The following DDX43 variants were observed in gnomAD, a reference collection of about 807,000 sequenced individuals.
The protein encoded by DDX43 is DEAD-box helicase 43.
Under a neutral mutation model 84.9 loss-of-function variants are expected in DDX43, and 50 were observed. The ratio of observed to expected loss-of-function variants is 0.59; its 90% CI spans 0.47 to 0.75. DDX43 has a LOEUF of 0.75. DDX43 is among the 30% of genes least tolerant of loss of function. DDX43 has a pLI of 0.00. For missense variants in DDX43, 689 were observed against 798.6 expected, an observed-to-expected ratio of 0.86 and a Z score of 1.65; for synonymous variants, 291 against 266.3, an observed-to-expected ratio of 1.09 and a Z score of -0.90.
At position 73,412,656 on chromosome 6, in the gene DDX43, T is replaced by C. The variant is rs1254616580; in HGVS notation, c.1368+364T>C. Among the ~76,000 whole-genome samples the C allele has an allele frequency of 2.3e-3, 203 of 87,954 alleles. 4 individuals are homozygous for C. Among genetic ancestry groups the C allele is most frequent in the African/African-American group, 7.6e-3 (189 of 24,906 alleles). 57.7% of individuals were successfully genotyped at this position (87,954 alleles called of 152,430 possible). On this transcript the variant is annotated intron_variant, in intron 11 of 16. Coordinates refer to ENST00000370336, the MANE Select transcript of DDX43 (RefSeq NM_018665.3). Reference sequence around the variant, plus strand: ...TATATATAGTGTGTGTGTGTGTGTGTGTGTGTGTGTGTGCGCGCGCGCGTG... The same window carrying C: ...TATATATAGTGTGTGTGTGTGTGTGCGTGTGTGTGTGTGCGCGCGCGCGTG...
In DDX43 at chr6:73,405,729, G is replaced by A. The variant is rs147077461; in HGVS notation, c.701G>A (p.Arg234Gln). ...GATGACTTGAAGGATGGGGAGAAAC[G>A]ACCTATCCCCAATCCTACCTGCACA... The part of the protein sequence containing the change: ...TWDDLKDGEK[R>Q]PIPNPTCTFD... Residue 234 changes from arginine to glutamine, a missense_variant, in exon 6 of 17, where the codon CGA becomes CAA. Coordinates refer to ENST00000370336, the MANE Select transcript of DDX43 (RefSeq NM_018665.3). 7 of 1,613,838 alleles carry A rather than the reference G, an allele frequency of 4.3e-6. No homozygotes were observed. The highest frequency in any genetic ancestry group is 1.1e-5 in the South Asian group (1 of 91,062).
intron 11 of DDX43, among the ~76,000 whole-genome samples, chr6:73,412,512 G>A (rs1269151980): frequency 6.6e-6 from 1 of 152,126 alleles, no homozygotes; most frequent in Non-Finnish European, 1.5e-5. Context: ...GAGAGAGAGA[G>A]AGAGAGAGTG....
In DDX43 at chr6:73,404,681, T is replaced by C. The variant is rs566502785; in HGVS notation, c.569-9T>C. 3 of 1,604,338 alleles carry C rather than the reference T, an allele frequency of 1.9e-6. No individual in the cohort carries two copies. The South Asian group carries it at 3.4e-5, about 18-fold the overall frequency. ...TTTATCAAAGTGTGGATTTTCGCCTTTGTCCCAGATTTACCACCAATTAAG... is the reference window on the plus strand; with the variant it reads ...TTTATCAAAGTGTGGATTTTCGCCTCTGTCCCAGATTTACCACCAATTAAG... On this transcript the variant is annotated splice_polypyrimidine_tract_variant and intron_variant, in intron 4 of 16. Transcript: ENST00000370336.
chr6:73,397,723 T>G lies in DDX43; in HGVS notation c.285T>G (p.Ser95Arg). ...RGGSKIKNIQSTTNTTIQIIQ... is the reference protein window; with the variant it reads ...RGGSKIKNIQRTTNTTIQIIQ... ...GGTCAAAAATAAAGAATATACAAAG[T>G]ACAACAAACACCACAATCCAAGTAA... The change falls in exon 2 of 17, where the codon AGT becomes AGG. Residue 95 changes from serine to arginine, a missense_variant. Physicochemically the swap from Ser to Arg is moderately radical, Grantham distance 110. Transcript: ENST00000370336. The G allele has an allele frequency of 6.2e-7, 1 of 1,613,840 alleles. No individual in the cohort carries two copies. Among genetic ancestry groups the G allele is most frequent in the Non-Finnish European group, 8.5e-7 (1 of 1,179,754 alleles).
chr6:73,417,129 C>A (rs1466530933), intron 16 of DDX43, 58 bp from the exon 17 acceptor site: 4 of 152,156 alleles, frequency 2.6e-5, no homozygotes, highest in African/African-American at 7.2e-5. Context: ...TATTTAATCA[C>A]AAGCTTTTTA....
At chr6:73,417,017 C>G (rs185306903) in intron 16 of DDX43, among the ~76,000 whole-genome samples, 170 bp from the exon 17 acceptor site, 137 of 152,272 alleles carry the variant, frequency 9.0e-4, no homozygotes, top group Non-Finnish European at 1.5e-3. Context: ...CCAGCCTGGA[C>G]AACAGGACGC....
chr6:73,409,859 C>T (rs191774278), intron 10 of DDX43, among the ~76,000 whole-genome samples: 101 of 152,112 alleles, frequency 6.6e-4, no homozygotes, highest in African/African-American at 2.3e-3. Flanking sequence ...GGTGAAACCT[C>T]GTCTCTACTA....
chr6:73,410,030 CA>C (rs200732786), intron 10 of DDX43, among the ~76,000 whole-genome samples: 234 of 94,204 alleles, frequency 2.5e-3, no homozygotes, highest in South Asian at 3.1e-3. Context: ...AAATCTGTCT[CA>C]AAAAAAAAAA....
intron 13 of DDX43, 25 bp from the exon 14 acceptor site, chr6:73,414,523 G>A: frequency 6.3e-7 from 1 of 1,600,000 alleles, no homozygotes; most frequent in Non-Finnish European, 8.5e-7. Context: ...GAATGGTTCA[G>A]TGTTCATTTG....
At chr6:73,414,502 G>A (rs1467396396) in intron 13 of DDX43, 46 bp from the exon 14 acceptor site, 1 of 1,485,752 alleles carries the variant, frequency 6.7e-7, no homozygotes, top group East Asian at 2.3e-5. Context: ...ATCTTGGGTT[G>A]GTTTATACCA....
At chr6:73,400,704 G>A (rs1425422981) in intron 3 of DDX43, among the ~76,000 whole-genome samples, 1 of 152,196 alleles carries the variant, frequency 6.6e-6, no homozygotes, top group Admixed American at 6.5e-5. Context: ...AGTGGGTAGA[G>A]TAAGGATTGG....
chr6:73,412,646 T>TA (rs1769811377), intron 11 of DDX43, among the ~76,000 whole-genome samples: 1 of 75,094 alleles, frequency 1.3e-5, no homozygotes, highest in Non-Finnish European at 2.7e-5. Flanking sequence ...ATAGTGTGTG[T>TA]GTGTGTGTGT....
At chr6:73,398,258 T>G (rs942535858) in intron 2 of DDX43, among the ~76,000 whole-genome samples, 18 of 151,854 alleles carry the variant, frequency 1.2e-4, no homozygotes, top group African/African-American at 4.4e-4. Flanking sequence ...TAAAAATCTT[T>G]TTTATTTTTT....
chr6:73,407,998 T>C lies in DDX43; in HGVS notation c.1076T>C (p.Ile359Thr). The part of the protein sequence containing the change: ...VYGGGNRDEQ[I>T]EELKKGVDII... ...GGTGGTGGAAATAGAGATGAACAAA[T>C]AGAAGAGCTTAAAAAAGGTGTAGAT... Residue 359 changes from isoleucine to threonine, a missense_variant, in exon 9 of 17, where the codon ATA becomes ACA. Transcript: ENST00000370336. The C allele has an allele frequency of 6.2e-7, 1 of 1,613,752 alleles. No homozygotes were observed. Among genetic ancestry groups the C allele is most frequent in the Middle Eastern group, 1.7e-4 (1 of 6,060 alleles).
chr6:73,396,799 A>G (rs980208942), intron 1 of DDX43, among the ~76,000 whole-genome samples: 7 of 152,216 alleles, frequency 4.6e-5, no homozygotes. Context: ...TAGGTAATCC[A>G]TATAAGTAGA....
chr6:73,413,606 C>G, intron 11 of DDX43, 52 bp from the exon 12 acceptor site: 1 of 1,583,126 alleles, frequency 6.3e-7, no homozygotes, highest in Non-Finnish European at 8.6e-7. Context: ...TGTATGCGGT[C>G]TCACCCTCAA....
chr6:73,406,420 T>C lies in DDX43; in HGVS notation c.864T>C (p.Thr288=), dbSNP rs1769685412. The C allele has an allele frequency of 1.9e-6, 3 of 1,613,894 alleles. No individual in the cohort carries two copies. In the East Asian group the frequency reaches 6.7e-5, roughly 36 times the overall value. The part of the protein sequence containing the change: ...QGIDLIGVAQ[T]GTGKTLCYLM... ...TAGATCTTATAGGAGTAGCCCAGAC[T>C]GGAACAGGAAAGACATTGTGTTATT... The change falls in exon 7 of 17, where the codon ACT becomes ACC. Residue 288 remains threonine, a synonymous_variant. Transcript: ENST00000370336.
Position 73,416,122 on chromosome 6 carries a change from G to A in DDX43, c.1843G>A (p.Glu615Lys). 1 of 1,523,460 alleles carries A rather than the reference G, an allele frequency of 6.6e-7. No homozygotes were observed. The highest frequency in any genetic ancestry group is 9.1e-7 in the Non-Finnish European group (1 of 1,096,950). 94.4% of individuals were successfully genotyped at this position (1,523,460 alleles called of 1,614,324 possible). The change falls in exon 16 of 17, where the codon GAG becomes AAG. Residue 615 changes from glutamate (E) to lysine (K), a missense_variant. Coordinates refer to ENST00000370336, the MANE Select transcript of DDX43 (RefSeq NM_018665.3). ...CGTTGAATAATTTCAGAGTATTCCA[G>A]AGGAGCTTGTATCAATGGCTGAGAG... ...ILERANQSIPEELVSMAERFK... is the reference protein window; with the variant it reads ...ILERANQSIPKELVSMAERFK...
chr6:73,417,290 A>G lies in DDX43; in HGVS notation c.*129A>G, dbSNP rs745913725. 2.0e-5 allele frequency: 3 copies of G among 152,218 alleles called. No homozygotes were observed. Among genetic ancestry groups the G allele is most frequent in the Admixed American group, 6.5e-5 (1 of 15,270 alleles). The allele number at this position is 152,218 out of a possible 1,614,324, so 9.4% of individuals were successfully genotyped here. On this transcript the variant is annotated 3_prime_UTR_variant, in exon 17 of 17. Coordinates refer to ENST00000370336, the MANE Select transcript of DDX43 (RefSeq NM_018665.3). ...CTGATTCTTAAAATAATAGTGTTTG[A>G]AAATATAGAATCCAGTGTTTTATAC...
Sources: gnomAD v4.1 joint callset for allele counts (sites outside exome capture counted in the v4.1 genomes callset) on GRCh38, gnomAD v4.1.1 for gene constraint, MANE v1.5 for transcripts, NCBI Gene and HGNC (gene_info 2026-07-23, HGNC 2026-07-21) for gene names.